UNC5B: variants seen among roughly 807,000 people sequenced by gnomAD.
UNC5B encodes the protein unc-5 netrin receptor B.
A neutral mutation model predicts 103.7 loss-of-function variants in UNC5B; 56 were observed. The ratio of observed to expected loss-of-function variants is 0.54; its 90% CI spans 0.44 to 0.67. The LOEUF is 0.67. Ranked by LOEUF, UNC5B falls within the 30% of genes least tolerant of loss-of-function variation. The probability of loss-of-function intolerance (pLI) is 0.00; values close to 1 mark genes in which losing one functional copy is unlikely to be tolerated. For missense variants in UNC5B, 1,194 were observed against 1,284.5 expected (o/e 0.93, Z 1.08); for synonymous variants, 577 against 542.0 (o/e 1.06, Z -0.90).
At chr10:71,264,115 G>A (rs1844472860) in intron 1 of UNC5B, among the ~76,000 whole-genome samples, 1 of 152,214 alleles carries the variant, frequency 6.6e-6, no homozygotes, top group African/African-American at 2.4e-5. Context: ...TCCTGCCATT[G>A]GGGTGGCAAA....
intron 1 of UNC5B, among the ~76,000 whole-genome samples, chr10:71,219,152 A>G (rs551101690): frequency 8.5e-5 from 13 of 152,238 alleles, no homozygotes; most frequent in Admixed American, 3.3e-4. Context: ...AAACCCTTTT[A>G]TATGTGCAGT....
At chr10:71,294,115 G>T (rs112941678) in intron 13 of UNC5B, among the ~76,000 whole-genome samples, 182 bp downstream of exon 13, 1 of 152,180 alleles carries the variant, frequency 6.6e-6, no homozygotes, top group Non-Finnish European at 1.5e-5. Context: ...GCCTCACCAA[G>T]ATCCAGGTTA....
intron 1 of UNC5B, among the ~76,000 whole-genome samples, chr10:71,233,345 A>G (rs1285568308): frequency 6.6e-6 from 1 of 152,150 alleles, no homozygotes; most frequent in Non-Finnish European, 1.5e-5. Flanking sequence ...TACAAGGTCA[A>G]TGCACTTGTA....
Position 71,286,683 on chromosome 10 carries a change from T to G in UNC5B, c.553-6T>G, listed in dbSNP as rs1464380459. ...CCTCACTGCCCCCTCACCCCCACTC[T>G]TGCAGGTGGAATGGCTCAAGAATGA... On this transcript the variant is annotated splice_region_variant and splice_polypyrimidine_tract_variant and intron_variant, in intron 4 of 16. Transcript: ENST00000335350. The G allele has an allele frequency of 6.8e-6, 11 of 1,613,836 alleles. No individual in the cohort carries two copies. The highest frequency in any genetic ancestry group is 4.2e-6 in the Non-Finnish European group (5 of 1,179,888).
At chr10:71,266,121 C>A (rs1221563486) in intron 1 of UNC5B, among the ~76,000 whole-genome samples, 1 of 152,126 alleles carries the variant, frequency 6.6e-6, no homozygotes, top group Non-Finnish European at 1.5e-5. Flanking sequence ...CTCAAGAAAT[C>A]CCTAGAAGGG....
At chr10:71,291,893 C>A (rs1845275063) in intron 10 of UNC5B, 72 bp downstream of exon 10, 1 of 1,502,188 alleles carries the variant, frequency 6.7e-7, no homozygotes, top group Non-Finnish European at 8.8e-7. Flanking sequence ...AACACCCATC[C>A]AGCAGAAGAT....
chr10:71,248,901 A>T (rs887350470), intron 1 of UNC5B, among the ~76,000 whole-genome samples: 6 of 151,112 alleles, frequency 4.0e-5, no homozygotes, highest in Admixed American at 1.3e-4. Context: ...ACACACACTC[A>T]TAGATGTAAA....
At chr10:71,217,311 C>G (rs1199180627) in intron 1 of UNC5B, 1 of 152,630 alleles carries the variant, frequency 6.6e-6, no homozygotes, top group East Asian at 1.9e-4. Flanking sequence ...TTGCGGAAGG[C>G]CTAGGGTAAG....
chr10:71,242,256 C>G (rs896745762), intron 1 of UNC5B, among the ~76,000 whole-genome samples: 1 of 152,214 alleles, frequency 6.6e-6, no homozygotes, highest in African/African-American at 2.4e-5. Context: ...GCCCCACCTC[C>G]CCCTGGGTGA....
At position 71,266,701 on chromosome 10, in the gene UNC5B, G is replaced by A. The variant is rs550219078; in HGVS notation, c.80-13120G>A. 1.5e-3 allele frequency among the ~76,000 whole-genome samples: 227 copies of A among 152,334 alleles called. 1 individual carries two copies. The highest frequency in any genetic ancestry group is 6.8e-3 in the Middle Eastern group (2 of 294). ...TGTGGGGCTCGCCGGGACCCTGGCA[G>A]CCTGGAAGGTCCACTCACTGTTTTT... On this transcript the variant is annotated intron_variant, in intron 1 of 16. Coordinates refer to ENST00000335350, the MANE Select transcript of UNC5B (RefSeq NM_170744.5).
intron 16 of UNC5B, 113 bp from the exon 17 acceptor site, chr10:71,298,999 A>G (rs1261270531): frequency 2.9e-6 from 4 of 1,383,986 alleles, no homozygotes; most frequent in East Asian, 4.6e-5. Context: ...GACCCAGGAC[A>G]GTGGGACACC....
chr10:71,240,774 C>G (rs1176386785), intron 1 of UNC5B, among the ~76,000 whole-genome samples: 2 of 152,232 alleles, frequency 1.3e-5, no homozygotes, highest in Non-Finnish European at 2.9e-5. Flanking sequence ...GGCTGTCCAT[C>G]TGTCTAGCTT....
At chr10:71,245,141 CTT>C (rs1159329562) in intron 1 of UNC5B, among the ~76,000 whole-genome samples, 1 of 152,190 alleles carries the variant, frequency 6.6e-6, no homozygotes, top group East Asian at 1.9e-4. Context: ...CTGGGGACCA[CTT>C]TTGAAAAGAT....
chr10:71,244,519 A>C (rs1247389870), intron 1 of UNC5B, among the ~76,000 whole-genome samples: 1 of 152,238 alleles, frequency 6.6e-6, no homozygotes, highest in Non-Finnish European at 1.5e-5. Context: ...CAGAGGGCAC[A>C]GATCTGGAGG....
intron 1 of UNC5B, among the ~76,000 whole-genome samples, chr10:71,228,181 G>T (rs1843612263): frequency 6.6e-6 from 1 of 152,196 alleles, no homozygotes; most frequent in South Asian, 2.1e-4. Context: ...TTTGATTCAA[G>T]TCTCACACCA....
intron 2 of UNC5B, 29 bp from the exon 3 acceptor site, chr10:71,284,689 GCC>G: frequency 1.2e-6 from 2 of 1,611,138 alleles, no homozygotes; most frequent in South Asian, 2.2e-5. Context: ...CTTTGCCCCT[GCC>G]CCCTGACGGC....
chr10:71,224,083 C>G (rs1226654305), intron 1 of UNC5B, among the ~76,000 whole-genome samples: 1 of 152,226 alleles, frequency 6.6e-6, no homozygotes, highest in Non-Finnish European at 1.5e-5. Context: ...GCTCACTGGT[C>G]CTTGTCAGGA....
intron 1 of UNC5B, among the ~76,000 whole-genome samples, chr10:71,252,218 G>A (rs1431550108): frequency 2.0e-5 from 3 of 152,168 alleles, no homozygotes; most frequent in African/African-American, 7.2e-5. Context: ...CCCTCTCTGG[G>A]CCTGTTTTGC....
chr10:71,298,045 G>A lies in UNC5B; in HGVS notation c.2627G>A (p.Arg876Gln), dbSNP rs551306777. ...AACAGCCTAGATGCCCCCAACTCAC[G>A]GGGCAATGACTGGCGGATGTTAGCA... ...ICNSLDAPNS[R>Q]GNDWRMLAQK... The change falls in exon 16 of 17, where the codon CGG (arginine) becomes CAG (glutamine). Residue 876 changes from arginine to glutamine, a missense_variant. Coordinates refer to ENST00000335350, the MANE Select transcript of UNC5B (RefSeq NM_170744.5). 42 of 1,613,480 alleles carry A rather than the reference G, an allele frequency of 2.6e-5. No individual in the cohort carries two copies. Among genetic ancestry groups the A allele is most frequent in the Middle Eastern group, 1.6e-4 (1 of 6,062 alleles).
Sources: allele counts gnomAD v4.1 joint callset (sites outside exome capture counted in the v4.1 genomes callset), GRCh38; gene constraint gnomAD v4.1.1; transcripts MANE v1.5; gene names NCBI Gene and HGNC (gene_info 2026-07-23, HGNC 2026-07-21).